The following CDH13 variants were observed in gnomAD, a reference collection of about 807,000 sequenced individuals.
CDH13 encodes the protein cadherin-13.
In CDH13, 24 loss-of-function variants were observed where a neutral mutation model predicts 63.8. The observed-to-expected ratio is 0.38, with a 90% CI of 0.27 to 0.53. The LOEUF (loss-of-function observed/expected upper bound fraction) is 0.53. Among genes scored for constraint, CDH13 ranks in the 20% least tolerant of loss-of-function variants. CDH13 has a pLI of 0.85. For missense variants in CDH13, 1,049 were observed against 903.1 expected (o/e 1.16, Z -2.07); for synonymous variants, 503 against 355.3 (o/e 1.42, Z -4.67).
chr16:83,266,047 C>T (rs1432535758), intron 5 of CDH13, among the ~76,000 whole-genome samples: 1 of 152,114 alleles, frequency 6.6e-6, no homozygotes, highest in Non-Finnish European at 1.5e-5. Context: ...AGCGATTCTC[C>T]TGCCTCAGCA....
intron 7 of CDH13, among the ~76,000 whole-genome samples, chr16:83,489,989 A>G (rs1296337322): frequency 6.7e-6 from 1 of 149,038 alleles, no homozygotes; most frequent in Non-Finnish European, 1.5e-5. Context: ...AAACTCCTTC[A>G]AGAGCAGGAG....
At chr16:83,664,293 G>A (rs1384859860) in intron 8 of CDH13, among the ~76,000 whole-genome samples, 1 of 152,118 alleles carries the variant, frequency 6.6e-6, no homozygotes, top group Non-Finnish European at 1.5e-5. Flanking sequence ...GACGTAGCTA[G>A]GGAAGGACTT....
At chr16:83,667,885 A>G (rs1914142742) in intron 8 of CDH13, among the ~76,000 whole-genome samples, 1 of 152,132 alleles carries the variant, frequency 6.6e-6, no homozygotes, top group Non-Finnish European at 1.5e-5. Context: ...CTCATCTTGA[A>G]TTCCTGGGCT....
At chr16:83,752,454 G>C (rs1733753968) in intron 11 of CDH13, among the ~76,000 whole-genome samples, 1 of 152,180 alleles carries the variant, frequency 6.6e-6, no homozygotes, top group African/African-American at 2.4e-5. Flanking sequence ...CATTAGGATA[G>C]CATTTTTCTA....
intron 10 of CDH13, among the ~76,000 whole-genome samples, chr16:83,682,348 C>T (rs746704132): frequency 7.2e-5 from 11 of 151,982 alleles, no homozygotes; most frequent in African/African-American, 2.7e-4. Context: ...GGTGGTCTTC[C>T]GGGTGCACAT....
At chr16:83,214,804 C>T (rs980538311) in intron 4 of CDH13, among the ~76,000 whole-genome samples, 3 of 151,958 alleles carry the variant, frequency 2.0e-5, no homozygotes, top group Admixed American at 1.3e-4. Flanking sequence ...GTCATCTGCA[C>T]TTTAAAGATG....
At chr16:82,943,448 A>G (rs1904347977) in intron 2 of CDH13, among the ~76,000 whole-genome samples, 1 of 152,200 alleles carries the variant, frequency 6.6e-6, no homozygotes, top group African/African-American at 2.4e-5. Context: ...GTGAAAGTTT[A>G]TATGACTCAA....
intron 2 of CDH13, among the ~76,000 whole-genome samples, chr16:82,875,977 A>C (rs2040490800): frequency 6.6e-6 from 1 of 152,210 alleles, no homozygotes; most frequent in Admixed American, 6.5e-5. Context: ...ATGGAGGAGC[A>C]AGTTACGTCT....
At position 82,940,130 on chromosome 16, in the gene CDH13, A is replaced by G. The variant is rs79279432; in HGVS notation, c.157+81657A>G. On this transcript the variant is annotated intron_variant, in intron 2 of 13. Coordinates refer to ENST00000567109, the MANE Select transcript of CDH13 (RefSeq NM_001257.5). Reference sequence around the variant, plus strand: ...AATTATTTCCCACCAGGTCCCTCCCACAACGTGTGGGAATTATTAATTCAA... The same window carrying G: ...AATTATTTCCCACCAGGTCCCTCCCGCAACGTGTGGGAATTATTAATTCAA... Among the ~76,000 whole-genome samples, 122 of 152,314 alleles carry G rather than the reference A, an allele frequency of 8.0e-4. 1 individual carries two copies. In the East Asian group the frequency reaches 0.022, roughly 28 times the overall value.
chr16:83,180,854 T>G (rs956513247), intron 4 of CDH13: 11 of 1,499,662 alleles, frequency 7.3e-6, no homozygotes, highest in African/African-American at 4.2e-5. Flanking sequence ...CAAAATGTGT[T>G]TTTTTTTTCT....
At chr16:83,401,595 T>A (rs1276362149) in intron 6 of CDH13, among the ~76,000 whole-genome samples, 2 of 152,266 alleles carry the variant, frequency 1.3e-5, no homozygotes, top group African/African-American at 2.4e-5. Context: ...ATACAAATTA[T>A]ATACTTTAAA....
At chr16:83,244,964 G>A (rs1434482861) in intron 5 of CDH13, among the ~76,000 whole-genome samples, 2 of 151,990 alleles carry the variant, frequency 1.3e-5, no homozygotes, top group South Asian at 4.2e-4. Flanking sequence ...TATTTGTACG[G>A]TTTAGGCACG....
intron 6 of CDH13, among the ~76,000 whole-genome samples, chr16:83,419,915 T>C (rs1019520080): frequency 1.3e-4 from 6 of 45,050 alleles, no homozygotes; most frequent in African/African-American, 3.2e-4. Context: ...TCGTCCAATC[T>C]TTTTTTTTTT....
intron 5 of CDH13, among the ~76,000 whole-genome samples, chr16:83,289,173 A>G (rs886087795): frequency 4.6e-5 from 7 of 151,634 alleles, no homozygotes; most frequent in African/African-American, 1.7e-4. Context: ...GGAAGAATTC[A>G]CTGTCTGCAT....
intron 2 of CDH13, among the ~76,000 whole-genome samples, chr16:82,904,225 T>G (rs1337468382): frequency 6.6e-6 from 1 of 152,158 alleles, no homozygotes; most frequent in African/African-American, 2.4e-5. Context: ...AATACAAACT[T>G]TTGTCAATCA....
chr16:83,587,214 C>G (rs1323760479), intron 7 of CDH13, among the ~76,000 whole-genome samples: 1 of 152,122 alleles, frequency 6.6e-6, no homozygotes, highest in Non-Finnish European at 1.5e-5. Context: ...TTCGAGGGAA[C>G]GGAGGATGAA....
At chr16:82,735,388 G>A (rs2033622268) in intron 1 of CDH13, among the ~76,000 whole-genome samples, 1 of 152,218 alleles carries the variant, frequency 6.6e-6, no homozygotes, top group Admixed American at 6.5e-5. Context: ...TGTCCCTGCA[G>A]TGACTGTGCT....
intron 5 of CDH13, among the ~76,000 whole-genome samples, chr16:83,259,666 A>G (rs1559434): frequency 6.6e-6 from 1 of 152,048 alleles, no homozygotes; most frequent in Non-Finnish European, 1.5e-5. Context: ...ATTATTATAC[A>G]GTAAGTTTTA....
chr16:83,144,588 A>G (rs544019079), intron 4 of CDH13, among the ~76,000 whole-genome samples: 1 of 152,230 alleles, frequency 6.6e-6, no homozygotes, highest in Non-Finnish European at 1.5e-5. Flanking sequence ...ATAAATAGCT[A>G]TTCCTGGAGG....
Sources: gnomAD v4.1 joint callset for allele counts (sites outside exome capture counted in the v4.1 genomes callset) on GRCh38, gnomAD v4.1.1 for gene constraint, MANE v1.5 for transcripts, NCBI Gene and HGNC (gene_info 2026-07-23, HGNC 2026-07-21) for gene names.